The following CPED1 variants were observed in gnomAD, a reference collection of about 807,000 sequenced individuals.
CPED1 encodes cadherin-like and PC-esterase domain-containing protein 1.
Under a neutral mutation model 128.2 loss-of-function variants are expected in CPED1, and 114 were observed. The observed-to-expected ratio is 0.89, with a 90% CI of 0.76 to 1.04. CPED1 has a LOEUF of 1.04. CPED1 is among the 50% of genes least tolerant of loss of function. CPED1 has a pLI of 0.00. For missense variants in CPED1, 1,211 were observed against 1,207.1 expected (o/e 1.00, Z -0.05); for synonymous variants, 462 against 426.7 (o/e 1.08, Z -1.02).
At chr7:121,030,370 C>T (rs1172828310) in intron 3 of CPED1, among the ~76,000 whole-genome samples, 3 of 152,194 alleles carry the variant, frequency 2.0e-5, no homozygotes, top group South Asian at 4.1e-4. Context: ...TAGTCAACTG[C>T]AGTCCAAAAA....
At chr7:121,153,611 C>G (rs1347957285) in intron 16 of CPED1, among the ~76,000 whole-genome samples, 1 of 152,154 alleles carries the variant, frequency 6.6e-6, no homozygotes, top group Non-Finnish European at 1.5e-5. Context: ...AAGAACTTGC[C>G]AAGGTCACAT....
At chr7:121,148,005 C>T (rs1055290981) in intron 16 of CPED1, among the ~76,000 whole-genome samples, 2 of 151,992 alleles carry the variant, frequency 1.3e-5, no homozygotes, top group Non-Finnish European at 2.9e-5. Context: ...TATAAAATAG[C>T]TCAAGTGATA....
At chr7:121,201,620 C>T (rs1056126307) in intron 16 of CPED1, among the ~76,000 whole-genome samples, 3 of 152,092 alleles carry the variant, frequency 2.0e-5, no homozygotes, top group Admixed American at 2.0e-4. Flanking sequence ...GCTTTTCTCA[C>T]ACCTAGGTAG....
At chr7:121,015,869 C>A in intron 3 of CPED1, 21 bp downstream of exon 3, 3 of 1,410,484 alleles carry the variant, frequency 2.1e-6, no homozygotes, top group Non-Finnish European at 2.8e-6. Flanking sequence ...TGAGAAGTAA[C>A]TGCCAAAGTC....
At chr7:121,167,596 T>C (rs1796559930) in intron 16 of CPED1, among the ~76,000 whole-genome samples, 1 of 152,206 alleles carries the variant, frequency 6.6e-6, no homozygotes, top group African/African-American at 2.4e-5. Context: ...GTCTGCATTC[T>C]ATAACAATTT....
intron 7 of CPED1, among the ~76,000 whole-genome samples, chr7:121,109,821 G>A (rs949736041): frequency 2.6e-5 from 4 of 152,106 alleles, no homozygotes; most frequent in African/African-American, 9.7e-5. Flanking sequence ...AGAAGTCACA[G>A]AAGAAAAACA....
At chr7:121,150,194 C>G (rs796068802) in intron 16 of CPED1, among the ~76,000 whole-genome samples, 9 of 150,980 alleles carry the variant, frequency 6.0e-5, no homozygotes, top group African/African-American at 1.9e-4. Context: ...GTTTTTCAAC[C>G]CTTGCCTCCC....
At chr7:121,114,788 A>T (rs1795195716) in intron 7 of CPED1, among the ~76,000 whole-genome samples, 1 of 152,214 alleles carries the variant, frequency 6.6e-6, no homozygotes, top group African/African-American at 2.4e-5. Context: ...TTATTTTTTA[A>T]AAAAAGTTTA....
intron 4 of CPED1, chr7:121,050,904 C>T (rs970915789): frequency 1.4e-5 from 7 of 483,664 alleles, no homozygotes; most frequent in African/African-American, 1.4e-4. Context: ...CTCCTCGTCA[C>T]CAGGATGCCC....
intron 16 of CPED1, among the ~76,000 whole-genome samples, chr7:121,200,065 T>C (rs1424234715): frequency 2.0e-5 from 3 of 151,826 alleles, no homozygotes; most frequent in Non-Finnish European, 4.4e-5. Context: ...TACTACCATA[T>C]TGGGCAGCAC....
chr7:121,230,491 A>G (rs1345630095), intron 16 of CPED1, among the ~76,000 whole-genome samples: 1 of 152,106 alleles, frequency 6.6e-6, no homozygotes, highest in African/African-American at 2.4e-5. Flanking sequence ...CCAGAATTAG[A>G]CATTTGCAGC....
intron 16 of CPED1, among the ~76,000 whole-genome samples, chr7:121,170,953 G>A (rs1796638218): frequency 6.6e-6 from 1 of 151,904 alleles, no homozygotes; most frequent in Non-Finnish European, 1.5e-5. Flanking sequence ...GGGAGGCTGA[G>A]GCAAGAGAAT....
At chr7:121,034,247 C>CTTTTTTTTTT (rs3067998) in intron 3 of CPED1, among the ~76,000 whole-genome samples, 2 of 113,954 alleles carry the variant, frequency 1.8e-5, no homozygotes, top group African/African-American at 3.4e-5. Flanking sequence ...GTTTTTTTTT[C>CTTTTTTTTTT]TTTTTTTTTT....
At chr7:121,069,487 C>A (rs1304650407) in intron 5 of CPED1, among the ~76,000 whole-genome samples, 5 of 152,004 alleles carry the variant, frequency 3.3e-5, no homozygotes, top group African/African-American at 1.2e-4. Flanking sequence ...GCAAGTGAGG[C>A]AGGACAGAGT....
intron 16 of CPED1, among the ~76,000 whole-genome samples, chr7:121,221,270 A>G (rs1270421783): frequency 6.6e-6 from 1 of 152,104 alleles, no homozygotes; most frequent in Non-Finnish European, 1.5e-5. Flanking sequence ...AGCTTCATCC[A>G]TGTCCCTGCA....
At chr7:121,152,014 T>C (rs1242759628) in intron 16 of CPED1, among the ~76,000 whole-genome samples, 1 of 152,230 alleles carries the variant, frequency 6.6e-6, no homozygotes, top group Non-Finnish European at 1.5e-5. Flanking sequence ...CTTTACCGCC[T>C]GACATATTTA....
At chr7:121,036,507 A>T (rs868584157) in intron 3 of CPED1, among the ~76,000 whole-genome samples, 1,976 of 133,864 alleles carry the variant, frequency 0.015, 33 homozygotes, top group African/African-American at 0.035. Flanking sequence ...ATATATATAT[A>T]TTTTTTTTTT....
Position 120,989,330 on chromosome 7 carries a change from T to TG in CPED1, c.-231-57dup. ...TGCTGGAAGCAACAGTTTGGCAGCCTGGGGTACACTCAGGTTATTCGTTAC... is the reference window on the plus strand; with the variant it reads ...TGCTGGAAGCAACAGTTTGGCAGCCTGGGGGTACACTCAGGTTATTCGTTAC... On this transcript the variant is annotated intron_variant, in intron 1 of 22. Coordinates refer to ENST00000310396, the MANE Select transcript of CPED1 (RefSeq NM_024913.5). 8.2e-6 allele frequency: 3 copies of TG among 365,872 alleles called. 1 individual carries two copies. Among genetic ancestry groups the TG allele is most frequent in the South Asian group, 8.1e-5 (3 of 37,114 alleles). The allele number at this position is 365,872 out of a possible 1,614,324, so 22.7% of individuals were successfully genotyped here. A position where few individuals can be genotyped will look rare whatever the true frequency, so the allele number is the denominator to read the frequency against.
At chr7:121,076,604 A>G (rs1044944412) in intron 5 of CPED1, 1 of 152,174 alleles carries the variant, frequency 6.6e-6, no homozygotes, top group African/African-American at 2.4e-5. Context: ...TCATTTGAGG[A>G]GAAGCTAAGT....
Sources: gnomAD v4.1 joint callset for allele counts (sites outside exome capture counted in the v4.1 genomes callset) on GRCh38, gnomAD v4.1.1 for gene constraint, MANE v1.5 for transcripts, NCBI Gene and HGNC (gene_info 2026-07-23, HGNC 2026-07-21) for gene names.